The following DLG2 variants were observed in gnomAD, a reference collection of about 807,000 sequenced individuals.
DLG2 encodes the protein discs large MAGUK scaffold protein 2, also known as disks large homolog 2.
In DLG2, 45 loss-of-function variants were observed where a neutral mutation model predicts 132.5. That is an observed-to-expected ratio of 0.34 (90% CI 0.27 to 0.44). The LOEUF (loss-of-function observed/expected upper bound fraction) is 0.44, where lower values mean the gene tolerates loss of function less well. Ranked by LOEUF, DLG2 falls within the 20% of genes least tolerant of loss-of-function variation. The pLI, the probability that DLG2 is intolerant of heterozygous loss-of-function variation, is 1.00. For missense variants in DLG2, 1,045 were observed against 1,196.9 expected (o/e 0.87, Z 1.87); for synonymous variants, 424 against 419.6 (o/e 1.01, Z -0.13).
At chr11:84,967,759 T>C (rs537488712) in intron 6 of DLG2, among the ~76,000 whole-genome samples, 33 of 152,174 alleles carry the variant, frequency 2.2e-4, no homozygotes, top group African/African-American at 7.9e-4. Context: ...CTCAAAGCAA[T>C]TCTCAAAGAC....
intron 6 of DLG2, among the ~76,000 whole-genome samples, chr11:85,077,104 C>T (rs2066637663): frequency 6.6e-6 from 1 of 151,840 alleles, no homozygotes; most frequent in Non-Finnish European, 1.5e-5. Context: ...CAGACTAGGA[C>T]AATGCTTGGC....
intron 6 of DLG2, among the ~76,000 whole-genome samples, chr11:84,884,311 G>A (rs2087863607): frequency 6.9e-6 from 1 of 145,508 alleles, no homozygotes; most frequent in Non-Finnish European, 1.5e-5. Flanking sequence ...TAGTGTGATG[G>A]ATTTGTCTAA....
chr11:84,216,168 G>A (rs748962029), intron 8 of DLG2, among the ~76,000 whole-genome samples: 18 of 152,026 alleles, frequency 1.2e-4, no homozygotes, highest in Non-Finnish European at 2.4e-4. Context: ...TCCTTCTCAT[G>A]CTTTCTTTGT....
At chr11:84,778,256 T>C (rs2071060507) in intron 6 of DLG2, among the ~76,000 whole-genome samples, 1 of 152,044 alleles carries the variant, frequency 6.6e-6, no homozygotes, top group Admixed American at 6.6e-5. Context: ...CAAAGATCAG[T>C]TGGTTGTAGT....
At chr11:83,919,561 G>T (rs1404703122) in intron 15 of DLG2, among the ~76,000 whole-genome samples, 1 of 152,102 alleles carries the variant, frequency 6.6e-6, no homozygotes, top group Non-Finnish European at 1.5e-5. Flanking sequence ...ACAGGTGGCT[G>T]TTGACTATAT....
rs1290824075 is a variant in DLG2, at chr11:84,949,318, TCACAGGAC to T, written c.357+162335_357+162342del. ...CAAGGCAAGTGGAGGCAGGGCGAGA[TCACAGGAC>T]CACAGGACCACAGGACCACAGGACC... On this transcript the variant is annotated intron_variant, in intron 6 of 27. Coordinates refer to ENST00000376104, the MANE Select transcript of DLG2 (RefSeq NM_001142699.3). 7.2e-4 allele frequency among the ~76,000 whole-genome samples: 110 copies of T among 152,092 alleles called. 1 individual carries two copies. The highest frequency in any genetic ancestry group is 1.9e-3 in the African/African-American group (78 of 41,478).
chr11:85,497,869 A>G (rs561314911), intron 3 of DLG2, among the ~76,000 whole-genome samples: 90 of 152,332 alleles, frequency 5.9e-4, no homozygotes, highest in African/African-American at 2.1e-3. Context: ...TTTTACAGAC[A>G]AGCAAATGCT....
At chr11:83,804,596 A>ACACACACACG (rs112825370) in intron 17 of DLG2, among the ~76,000 whole-genome samples, 1 of 151,768 alleles carries the variant, frequency 6.6e-6, no homozygotes, top group Non-Finnish European at 1.5e-5. Context: ...ACACACACAC[A>ACACACACACG]CACACACACA....
chr11:84,393,148 G>A (rs1238057640), intron 7 of DLG2, among the ~76,000 whole-genome samples: 1 of 151,996 alleles, frequency 6.6e-6, no homozygotes, highest in Non-Finnish European at 1.5e-5. Context: ...TAGTTAAGGA[G>A]GCTAAATATA....
chr11:85,324,924 G>A (rs949743011), intron 3 of DLG2, among the ~76,000 whole-genome samples: 128 of 146,756 alleles, frequency 8.7e-4, no homozygotes, highest in African/African-American at 2.8e-3. Flanking sequence ...CGCACCGTGC[G>A]CGAGCCGAAG....
At chr11:84,049,629 C>T (rs1202090489) in intron 11 of DLG2, among the ~76,000 whole-genome samples, 1 of 151,752 alleles carries the variant, frequency 6.6e-6, no homozygotes. Flanking sequence ...TCACTTAATG[C>T]TTCAAATTTA....
chr11:84,738,095 G>T (rs1054228484), intron 6 of DLG2, among the ~76,000 whole-genome samples: 1 of 152,034 alleles, frequency 6.6e-6, no homozygotes, highest in African/African-American at 2.4e-5. Flanking sequence ...CTTATGAAGT[G>T]TCTGTCAATA....
intron 7 of DLG2, among the ~76,000 whole-genome samples, chr11:84,504,858 G>T (rs2099234086): frequency 1.3e-5 from 2 of 152,028 alleles, no homozygotes; most frequent in Non-Finnish European, 2.9e-5. Flanking sequence ...ATGGCTCTTT[G>T]ACTGAATCAT....
At chr11:85,140,046 G>T (rs1292414749) in intron 5 of DLG2, among the ~76,000 whole-genome samples, 1 of 151,920 alleles carries the variant, frequency 6.6e-6, no homozygotes, top group Non-Finnish European at 1.5e-5. Flanking sequence ...GTGTACCACA[G>T]TTTCTTTATC....
chr11:83,803,097 T>A (rs1032575681), intron 17 of DLG2, among the ~76,000 whole-genome samples: 14 of 152,134 alleles, frequency 9.2e-5, no homozygotes, highest in Non-Finnish European at 1.8e-4. Context: ...AATATGATAA[T>A]ATTTATAGAA....
chr11:83,707,273 T>A (rs1435983471), intron 18 of DLG2, among the ~76,000 whole-genome samples: 1 of 151,956 alleles, frequency 6.6e-6, no homozygotes, highest in Non-Finnish European at 1.5e-5. Context: ...CCCTTAGGAG[T>A]TCCTGTTTCT....
At chr11:83,852,054 G>A (rs2059878526) in intron 16 of DLG2, among the ~76,000 whole-genome samples, 1 of 152,204 alleles carries the variant, frequency 6.6e-6, no homozygotes, top group Non-Finnish European at 1.5e-5. Context: ...TAAAACTCCA[G>A]AAGCTAGGAA....
chr11:83,861,683 A>G (rs1224914580), intron 16 of DLG2, among the ~76,000 whole-genome samples: 3 of 152,036 alleles, frequency 2.0e-5, no homozygotes, highest in Non-Finnish European at 2.9e-5. Context: ...AATTGAACTC[A>G]TGGAGATTGA....
rs1199128896 is a variant in DLG2 at position 83,833,667 on chromosome 11, C to T, written c.1669G>A (p.Gly557Ser). 4 of 1,614,036 alleles carry T rather than the reference C, an allele frequency of 2.5e-6. No homozygotes were observed. Among genetic ancestry groups the T allele is most frequent in the Non-Finnish European group, 3.4e-6 (4 of 1,179,962 alleles). ...EGIFVSFILA[G>S]GPADLSGELQ... ...TCCCCACTTAGGTCTGCTGGTCCACCAGCCAGAATGAAGGACACAAAAATA... is the reference window on the plus strand; with the variant it reads ...TCCCCACTTAGGTCTGCTGGTCCACTAGCCAGAATGAAGGACACAAAAATA... The change falls in exon 17 of 28, where the codon GGT (glycine) becomes AGT (serine). Residue 557 changes from glycine (G) to serine (S), a missense_variant. Around this residue, in one of 4 missense-constraint regions of DLG2, gnomAD observed 398 missense variants for 543.6 expected, o/e 0.73. Coordinates refer to ENST00000376104, the MANE Select transcript of DLG2 (RefSeq NM_001142699.3).
Sources: allele counts gnomAD v4.1 joint callset (sites outside exome capture counted in the v4.1 genomes callset), GRCh38; gene constraint gnomAD v4.1.1; regional missense constraint gnomAD v4.1.1; transcripts MANE v1.5; gene names NCBI Gene and HGNC (gene_info 2026-07-23, HGNC 2026-07-21).